DAB1: variants seen among roughly 807,000 people sequenced by gnomAD.
The protein encoded by DAB1 is disabled homolog 1.
DAB1 carries 15 observed loss-of-function variants against 64.6 expected under a neutral mutation model. The observed-to-expected ratio is 0.23, with a 90% CI of 0.16 to 0.36. The LOEUF is 0.36. DAB1 is among the 10% of genes least tolerant of loss of function. The probability of loss-of-function intolerance (pLI) is 1.00; values close to 1 mark genes in which losing one functional copy is unlikely to be tolerated. For missense variants in DAB1, 596 were observed against 706.7 expected, an observed-to-expected ratio of 0.84 and a Z score of 1.78; for synonymous variants, 235 against 251.9, an observed-to-expected ratio of 0.93 and a Z score of 0.64.
At chr1:57,984,260 G>GAAAGAAAGAAAGAAAGAAAAAAAAAAAA (rs1570163620) in intron 5 of DAB1, among the ~76,000 whole-genome samples, 1 of 134,070 alleles carries the variant, frequency 7.5e-6, no homozygotes, top group Non-Finnish European at 1.6e-5. Flanking sequence ...AAGAAAGAAA[G>GAAAGAAAGAAAGAAAGAAAAAAAAAAAA]AAAAAAAATT....
chr1:57,602,979 C>T (rs568640541), intron 7 of DAB1, among the ~76,000 whole-genome samples: 4 of 152,238 alleles, frequency 2.6e-5, no homozygotes, highest in African/African-American at 9.6e-5. Flanking sequence ...AAATGAGGGA[C>T]TCCCCACAGA....
chr1:58,095,448 A>G lies in DAB1; in HGVS notation n.387+55063T>C, dbSNP rs115052622. Among the ~76,000 whole-genome samples, 1,430 of 152,330 alleles carry G rather than the reference A, an allele frequency of 9.4e-3. 33 individuals carry two copies. Among genetic ancestry groups the G allele is most frequent in the African/African-American group, 0.033 (1,379 of 41,564 alleles). On this transcript the variant is annotated intron_variant and non_coding_transcript_variant, in intron 5 of 20. Coordinates refer to the DAB1 transcript ENST00000485760. ...ATAGGTCACAGAAGAGCCACAGTAG[A>G]GGACAGAGCAGGCTTCAGTGTCCTT...
intron 5 of DAB1, among the ~76,000 whole-genome samples, chr1:58,051,178 C>T (rs778561344): frequency 6.6e-6 from 1 of 152,052 alleles, no homozygotes; most frequent in Non-Finnish European, 1.5e-5. Flanking sequence ...AGGTATTTCT[C>T]CTAATGCTAT....
intron 5 of DAB1, among the ~76,000 whole-genome samples, chr1:58,130,619 T>C (rs1288942504): frequency 6.6e-6 from 1 of 152,140 alleles, no homozygotes; most frequent in Non-Finnish European, 1.5e-5. Flanking sequence ...CCATATTTAG[T>C]CCTTCCTTCA....
At chr1:58,490,470 T>C (rs1645661549) in intron 3 of DAB1, among the ~76,000 whole-genome samples, 1 of 152,198 alleles carries the variant, frequency 6.6e-6, no homozygotes, top group Non-Finnish European at 1.5e-5. Context: ...ATCTGATTGG[T>C]GTACCTGAAA....
chr1:57,622,869 T>A lies in DAB1; in HGVS notation n.625+26723A>T, dbSNP rs1253743188. 2.0e-5 allele frequency among the ~76,000 whole-genome samples: 3 copies of A among 152,152 alleles called. No homozygotes were observed. In the East Asian group the frequency reaches 5.8e-4, roughly 29 times the overall value. On this transcript the variant is annotated intron_variant and non_coding_transcript_variant, in intron 7 of 20. Transcript: ENST00000485760. ...TCTCCCCTTCCTGGTCTTCTTTGAG[T>A]TTTACTCCTTAGTTTAGGCCATGAG...
intron 5 of DAB1, chr1:58,049,177 T>C: frequency 2.6e-6 from 2 of 773,542 alleles, no homozygotes; most frequent in South Asian, 2.7e-5. Flanking sequence ...TCCGTGAGCG[T>C]TCCCTATTGC....
chr1:57,142,631 T>C (rs3221727), intron 3 of DAB1, among the ~76,000 whole-genome samples: 1,327 of 41,882 alleles, frequency 0.032, 18 homozygotes, highest in African/African-American at 0.096. Flanking sequence ...CACACACACA[T>C]ACACACACAC....
chr1:57,705,874 G>GTT lies in DAB1; in HGVS notation n.552-56211_552-56210dup, dbSNP rs11375591. Among the ~76,000 whole-genome samples the GTT allele has an allele frequency of 6.3e-3, 915 of 144,634 alleles. 7 individuals are homozygous for GTT. Among genetic ancestry groups the GTT allele is most frequent in the Non-Finnish European group, 4.9e-3 (322 of 65,996 alleles). 94.9% of individuals were successfully genotyped at this position (144,634 alleles called of 152,430 possible). A position where few individuals can be genotyped will look rare whatever the true frequency, so the allele number is the denominator to read the frequency against. ...ACTAATGAATCAATACAATACTAGG[G>GTT]TTTTTTTTTTTTTCTTTTTTTACTG... is the stretch of plus-strand genomic sequence containing the variant. On this transcript the variant is annotated intron_variant and non_coding_transcript_variant, in intron 6 of 20. Coordinates refer to the DAB1 transcript ENST00000485760.
chr1:58,025,437 A>G (rs911275404), intron 5 of DAB1, among the ~76,000 whole-genome samples: 1 of 151,908 alleles, frequency 6.6e-6, no homozygotes, highest in East Asian at 1.9e-4. Context: ...TGGTTGAGAA[A>G]ACTAGAAACC....
intron 9 of DAB1, among the ~76,000 whole-genome samples, chr1:57,056,594 G>C (rs561400848): frequency 6.6e-6 from 1 of 152,188 alleles, no homozygotes; most frequent in East Asian, 1.9e-4. Flanking sequence ...GCTTGGCATG[G>C]TGGCTCACAC....
intron 3 of DAB1, among the ~76,000 whole-genome samples, chr1:58,491,846 G>A (rs1348879259): frequency 6.6e-6 from 1 of 152,128 alleles, no homozygotes; most frequent in Non-Finnish European, 1.5e-5. Context: ...GTTAACATTA[G>A]ACAGATCAAT....
intron 2 of DAB1, among the ~76,000 whole-genome samples, chr1:57,155,330 C>T (rs1166160445): frequency 6.6e-6 from 1 of 151,926 alleles, no homozygotes; most frequent in Non-Finnish European, 1.5e-5. Flanking sequence ...AAAATGAGTT[C>T]ACTGTAGGTG....
intron 5 of DAB1, among the ~76,000 whole-genome samples, chr1:58,085,107 C>T (rs1212356955): frequency 6.6e-6 from 1 of 151,982 alleles, no homozygotes; most frequent in East Asian, 1.9e-4. Flanking sequence ...AAAATGAATC[C>T]TTTTTTATAG....
At chr1:57,610,481 C>T (rs948097913) in intron 7 of DAB1, among the ~76,000 whole-genome samples, 1 of 152,172 alleles carries the variant, frequency 6.6e-6, no homozygotes, top group Admixed American at 6.5e-5. Flanking sequence ...TTTTGTTTGA[C>T]CCCAGCAGTC....
At chr1:57,454,199 C>T (rs1279723639) in intron 7 of DAB1, among the ~76,000 whole-genome samples, 2 of 151,704 alleles carry the variant, frequency 1.3e-5, no homozygotes, top group African/African-American at 4.9e-5. Context: ...AGCCCATTCT[C>T]AACCATCTTG....
At chr1:57,008,902 T>C (rs1428721533) in intron 14 of DAB1, among the ~76,000 whole-genome samples, 1 of 152,188 alleles carries the variant, frequency 6.6e-6, no homozygotes, top group African/African-American at 2.4e-5. Flanking sequence ...AAATCCTGAG[T>C]TCTTCCCACA....
chr1:58,490,722 C>G (rs1488489018), intron 3 of DAB1, among the ~76,000 whole-genome samples: 1 of 149,634 alleles, frequency 6.7e-6, no homozygotes, highest in African/African-American at 2.4e-5. Flanking sequence ...AAGGGAAGCC[C>G]ATCAGACTAA....
intron 7 of DAB1, among the ~76,000 whole-genome samples, chr1:57,599,852 C>G (rs1294492127): frequency 6.6e-6 from 1 of 152,164 alleles, no homozygotes; most frequent in Non-Finnish European, 1.5e-5. Context: ...ATAGCTCCTC[C>G]TGACACTCCA....
Sources: allele counts gnomAD v4.1 joint callset (sites outside exome capture counted in the v4.1 genomes callset), GRCh38; gene constraint gnomAD v4.1.1; transcripts MANE v1.5; gene names NCBI Gene and HGNC (gene_info 2026-07-23, HGNC 2026-07-21).